Variants in MYBPC3 observed in about 807,000 individuals in gnomAD.
MYBPC3 encodes myosin binding protein C3, also known as myosin-binding protein C, cardiac-type.
In MYBPC3, 108 loss-of-function variants were observed where a neutral mutation model predicts 159.3. The observed-to-expected ratio is 0.68, with a 90% confidence interval of 0.58 to 0.80. MYBPC3 has a LOEUF of 0.80. Among genes scored for constraint, MYBPC3 ranks in the 30% least tolerant of loss-of-function variants. The pLI is 0.00. For missense variants in MYBPC3, 1,631 were observed against 1,762.1 expected (o/e 0.93, Z 1.33); for synonymous variants, 730 against 702.0 (o/e 1.04, Z -0.63).
chr11:47,348,651 A>G, intron 5 of MYBPC3, 110 bp from the exon 6 acceptor site: 1 of 763,566 alleles, frequency 1.3e-6, no homozygotes, highest in Non-Finnish European at 2.1e-6. Flanking sequence ...CAGGCCTGTA[A>G]TCCCCACTTT....
intron 1 of MYBPC3, 40 bp downstream of exon 1, chr11:47,352,583 C>T (rs894326513): frequency 6.2e-7 from 1 of 1,601,314 alleles, no homozygotes. Context: ...AGACACCCCC[C>T]TGCTCCCACA....
intron 18 of MYBPC3, 78 bp from the exon 19 acceptor site, chr11:47,341,322 C>T: frequency 8.8e-7 from 1 of 1,139,470 alleles, no homozygotes; most frequent in Non-Finnish European, 1.3e-6. Context: ...GCCAGGGTCC[C>T]AGGAGGCCCT....
At chr11:47,342,357 G>A (rs1379363640) in intron 17 of MYBPC3, among the ~76,000 whole-genome samples, 2 of 152,242 alleles carry the variant, frequency 1.3e-5, no homozygotes, top group Admixed American at 6.5e-5. Flanking sequence ...TCTGAGGGGT[G>A]GTGATGCTCA....
chr11:47,337,952 CTTT>C (rs11323436), intron 23 of MYBPC3, among the ~76,000 whole-genome samples, 158 bp from the exon 24 acceptor site: 10 of 116,624 alleles, frequency 8.6e-5, no homozygotes, highest in Non-Finnish European at 1.2e-4. Context: ...TCTTCTTTTC[CTTT>C]TTTTTTTTTT....
chr11:47,337,621 A>T, intron 24 of MYBPC3, 42 bp from the exon 25 acceptor site: 1 of 1,612,936 alleles, frequency 6.2e-7, no homozygotes, highest in Admixed American at 1.7e-5. Flanking sequence ...GAACCCAGGC[A>T]TCCCCACACC....
Position 47,352,653 on chromosome 11 carries a change from G to C in MYBPC3, c.-6C>G, listed in dbSNP as rs1301251488. 6.3e-7 allele frequency: 1 copy of C among 1,593,636 alleles called. No homozygotes were observed. The highest frequency in any genetic ancestry group is 8.5e-7 in the Non-Finnish European group (1 of 1,170,154). On this transcript the variant is annotated 5_prime_UTR_variant, in exon 1 of 35. Coordinates refer to ENST00000545968, the MANE Select transcript of MYBPC3 (RefSeq NM_000256.3). ...TTCTTCCCCGGCTCAGGCATCCTGA[G>C]AGACGTCACACCAGGCACGAAGCAG...
In MYBPC3 at chr11:47,346,495, C is replaced by A. The variant is rs368775136; in HGVS notation, c.927-125G>T. ...CTCTGCCCCTTCCCTTCTGGTGGGG[C>A]AGCTGGAGCTGCTCTGGGTCCCAGG... is the stretch of plus-strand genomic sequence containing the variant. On this transcript the variant is annotated intron_variant, in intron 11 of 34. Transcript: ENST00000545968. This position sits in a 1 kb window ranked among gnomAD's most constrained non-coding sequence, Gnocchi z 5.3. 6.1e-5 allele frequency: 89 copies of A among 1,453,960 alleles called. 1 individual carries two copies. In the African/African-American group the frequency reaches 9.6e-4, roughly 16 times the overall value. 90.1% of individuals were successfully genotyped at this position (1,453,960 alleles called of 1,614,324 possible).
intron 6 of MYBPC3, among the ~76,000 whole-genome samples, 160 bp from the exon 7 acceptor site, chr11:47,348,065 A>C (rs2095896240): frequency 6.6e-6 from 1 of 152,068 alleles, no homozygotes; most frequent in African/African-American, 2.4e-5. Flanking sequence ...AGCCTTTCCC[A>C]GGGTCAAGGT....
intron 17 of MYBPC3, 146 bp downstream of exon 17, chr11:47,342,432 T>C (rs2095889629): frequency 2.7e-6 from 3 of 1,113,258 alleles, no homozygotes; most frequent in East Asian, 2.6e-5. Context: ...ATTTTAGAGA[T>C]GAGAAGGATG....
Position 47,337,392 on chromosome 11 carries a change from G to A in MYBPC3, c.2601C>T (p.Ile867=), listed in dbSNP as rs11570097. Reference sequence around the variant, plus strand: ...CAGGACCAGGCCAGGCAGGCTCACCGATAGGCATGAAGGGCTGGGAGGCAG... The same window carrying A: ...CAGGACCAGGCCAGGCAGGCTCACCAATAGGCATGAAGGGCTGGGAGGCAG... ...PSPASQPFMP[I]GPPSEPTHLA... is the part of the protein sequence containing the mutation. Residue 867 remains isoleucine, a splice_region_variant and synonymous_variant, in exon 25 of 35, where the codon ATC becomes ATT. Coordinates refer to ENST00000545968, the MANE Select transcript of MYBPC3 (RefSeq NM_000256.3). The A allele has an allele frequency of 2.5e-3, 3,903 of 1,582,200 alleles. 83 individuals are homozygous for A. The African/African-American group carries it at 0.046, about 19-fold the overall frequency.
chr11:47,346,797 C>A lies in MYBPC3; in HGVS notation c.909-153G>T, dbSNP rs928418530. The A allele has an allele frequency of 3.5e-6, 3 of 859,034 alleles. No homozygotes were observed. Among genetic ancestry groups the A allele is most frequent in the Non-Finnish European group, 3.7e-6 (2 of 543,972 alleles). 53.2% of individuals were successfully genotyped at this position (859,034 alleles called of 1,614,324 possible). On this transcript the variant is annotated intron_variant, in intron 10 of 34. Transcript: ENST00000545968. The surrounding 1 kb of genome is among the most constrained non-coding windows in gnomAD (Gnocchi z 5.3). ...GTGTTGTGGGGCACCCATGCTGCTC[C>A]GGAGGCTCTGGCAGGACCTCCTGTG...
At chr11:47,339,940 C>T in intron 20 of MYBPC3, 150 bp from the exon 21 acceptor site, 1 of 809,804 alleles carries the variant, frequency 1.2e-6, no homozygotes. Context: ...TGACAGTAGG[C>T]TGAGTTCTGA....
intron 33 of MYBPC3, 45 bp from the exon 34 acceptor site, chr11:47,331,926 G>T (rs746879167): frequency 6.2e-7 from 1 of 1,605,438 alleles, no homozygotes; most frequent in Admixed American, 1.7e-5. Flanking sequence ...CAGCCTTCTG[G>T]AAGCTATTGC....
intron 3 of MYBPC3, 101 bp from the exon 4 acceptor site, chr11:47,350,213 T>A: frequency 7.4e-7 from 1 of 1,344,250 alleles, no homozygotes; most frequent in Non-Finnish European, 1.0e-6. Flanking sequence ...AAGCTCCGCC[T>A]CCCAGGTTCA....
In MYBPC3 at chr11:47,332,155, C is replaced by T. The variant is rs2095877743; in HGVS notation, c.3731G>A (p.Cys1244Tyr). The T allele has an allele frequency of 6.2e-7, 1 of 1,613,796 alleles. No homozygotes were observed. ...GACATAGATGCCCCCGTCAAAGGGG[C>T]AGGGCTTTCTAATCTCCAGAGTCAA... ...GVLTLEIRKP[C>Y]PFDGGIYVCR... Residue 1244 changes from cysteine to tyrosine, a missense_variant, in exon 33 of 35, where the codon TGC (cysteine) becomes TAC (tyrosine). Coordinates refer to ENST00000545968, the MANE Select transcript of MYBPC3 (RefSeq NM_000256.3). This position sits in a 1 kb window ranked among gnomAD's most constrained non-coding sequence, Gnocchi z 4.2.
In MYBPC3 at chr11:47,350,569, G is replaced by A. The variant is rs786204325; in HGVS notation, c.339C>T (p.Ala113=). 5 of 1,538,754 alleles carry A rather than the reference G, an allele frequency of 3.2e-6. No homozygotes were observed. The South Asian group carries it at 6.2e-5, about 19-fold the overall frequency. Residue 113 remains alanine, a synonymous_variant, in exon 3 of 35, where the codon GCC becomes GCT. Coordinates refer to ENST00000545968, the MANE Select transcript of MYBPC3 (RefSeq NM_000256.3). ...CCGGGGCTTCTCCAGGGGCTCCAGT[G>A]GCCTCAGCAGGGGCAGGGGCAGGGG... ...MLAPAPAPAE[A]TGAPGEAPAP...
intron 5 of MYBPC3, among the ~76,000 whole-genome samples, chr11:47,349,056 T>G (rs2697920): frequency 2.7e-5 from 4 of 150,310 alleles, no homozygotes; most frequent in Non-Finnish European, 3.0e-5. Context: ...TGCTGGCACA[T>G]GGTTGTGGTG....
rs34580776 is a variant in MYBPC3 at position 47,346,320 on chromosome 11, C to T, written c.977G>A (p.Arg326Gln). ...CTCGTACTCAGATGGGGGTGCCTGC[C>T]GTAGGATCTCCCACACGTCCTCCTC... ...PAEEDVWEIL[R>Q]QAPPSEYERI... Residue 326 changes from arginine to glutamine, a missense_variant, in exon 12 of 35, where the codon CGG (arginine) becomes CAG (glutamine). Transcript: ENST00000545968. This position sits in a 1 kb window ranked among gnomAD's most constrained non-coding sequence, Gnocchi z 5.3. 4,842 of 1,611,640 alleles carry T rather than the reference C, an allele frequency of 3.0e-3. 28 individuals are homozygous for T. Among genetic ancestry groups the T allele is most frequent in the Middle Eastern group, 5.6e-3 (34 of 6,046 alleles).
chr11:47,335,275 C>G, intron 26 of MYBPC3, 66 bp from the exon 27 acceptor site: 1 of 1,268,376 alleles, frequency 7.9e-7, no homozygotes, highest in Non-Finnish European at 1.1e-6. Context: ...CTCCCACTGC[C>G]CACTCCTCTG....
Sources: gnomAD v4.1 joint callset for allele counts (sites outside exome capture counted in the v4.1 genomes callset) on GRCh38, gnomAD v4.1.1 for gene constraint, Gnocchi (gnomAD v3.1) non-coding constraint, MANE v1.5 for transcripts, NCBI Gene and HGNC (gene_info 2026-07-23, HGNC 2026-07-21) for gene names.